The following RTTN variants were observed in gnomAD, a reference collection of about 807,000 sequenced individuals.
The protein encoded by RTTN is rotatin.
A neutral mutation model predicts 269.2 loss-of-function variants in RTTN; 182 were observed. That is an observed-to-expected ratio of 0.68 (90% CI 0.60 to 0.76). The LOEUF is 0.76. RTTN is among the 30% of genes least tolerant of loss of function. The pLI is 0.00. For missense variants in RTTN, 2,545 were observed against 2,608.6 expected (o/e 0.98, Z 0.53); for synonymous variants, 1,006 against 963.5 (o/e 1.04, Z -0.82).
intron 18 of RTTN, among the ~76,000 whole-genome samples, chr18:70,143,227 C>A (rs571710193): frequency 1.3e-5 from 2 of 151,728 alleles, no homozygotes; most frequent in Admixed American, 1.3e-4. Context: ...TTTTGTAAAT[C>A]TGTTTAAGTT....
chr18:70,160,355 C>G (rs1254199925), intron 14 of RTTN, among the ~76,000 whole-genome samples: 1 of 60,208 alleles, frequency 1.7e-5, no homozygotes, highest in Non-Finnish European at 8.0e-5. Context: ...TCAACAGACA[C>G]AGAAAAGGCT....
chr18:70,194,738 T>G (rs940129303), intron 7 of RTTN: 2 of 152,194 alleles, frequency 1.3e-5, no homozygotes, highest in Non-Finnish European at 2.9e-5. Flanking sequence ...ATGAGGTACC[T>G]AGAATAGACA....
intron 19 of RTTN, among the ~76,000 whole-genome samples, chr18:70,141,991 T>C (rs2041035390): frequency 2.0e-5 from 3 of 152,200 alleles, no homozygotes; most frequent in East Asian, 3.8e-4. Context: ...AATGGCATTT[T>C]ACAGGTCAAA....
rs191450237 is a variant in RTTN, at chr18:70,173,507, A to G, written c.1476+3168T>C. ...ACTCCAACTCAAAAAAAAAAAAAAA[A>G]AAAAGAAAATAGAGTTTGGACTATA... On this transcript the variant is annotated intron_variant, in intron 11 of 48. Coordinates refer to ENST00000640769, the MANE Select transcript of RTTN (RefSeq NM_173630.4). Among the ~76,000 whole-genome samples, 482 of 151,928 alleles carry G rather than the reference A, an allele frequency of 3.2e-3. 3 individuals are homozygous for G. The highest frequency in any genetic ancestry group is 0.01 in the Middle Eastern group (3 of 294).
intron 46 of RTTN, among the ~76,000 whole-genome samples, chr18:70,013,877 C>T (rs567066873): frequency 6.6e-6 from 1 of 152,274 alleles, no homozygotes; most frequent in African/African-American, 2.4e-5. Flanking sequence ...AACACAAAGA[C>T]TGTCTTGATA....
chr18:70,063,964 G>A (rs1292015562), intron 35 of RTTN, among the ~76,000 whole-genome samples: 2 of 76,378 alleles, frequency 2.6e-5, no homozygotes, highest in African/African-American at 9.2e-5. Flanking sequence ...TCTTTTATAT[G>A]CTTTTTTTTT....
At position 70,181,841 on chromosome 18, in the gene RTTN, G is replaced by A. The variant is rs187629044; in HGVS notation, c.1306-4996C>T. On this transcript the variant is annotated intron_variant, in intron 10 of 48. Transcript: ENST00000640769. ...AGTAAAAGTAAATCAAATATAATTT[G>A]AAGTACTTCTGTTTTATTTAGCATT... Among the ~76,000 whole-genome samples, 311 of 152,204 alleles carry A rather than the reference G, an allele frequency of 2.0e-3. 1 individual carries two copies. Among genetic ancestry groups the A allele is most frequent in the Non-Finnish European group, 3.3e-3 (226 of 67,956 alleles).
At chr18:70,069,366 A>T (rs1048570434) in intron 34 of RTTN, among the ~76,000 whole-genome samples, 1 of 152,240 alleles carries the variant, frequency 6.6e-6, no homozygotes, top group Non-Finnish European at 1.5e-5. Flanking sequence ...GAAAATAAAA[A>T]AATAAAATGG....
At chr18:70,204,957 T>C (rs973087784) in intron 2 of RTTN, among the ~76,000 whole-genome samples, 171 bp downstream of exon 2, 1 of 152,192 alleles carries the variant, frequency 6.6e-6, no homozygotes, top group Admixed American at 6.5e-5. Flanking sequence ...TGGGATTCAG[T>C]ATCACAAATA....
Position 70,024,763 on chromosome 18 carries a change from G to T in RTTN, c.5909C>A (p.Ser1970Tyr), listed in dbSNP as rs267605251. 4 of 1,613,934 alleles carry T rather than the reference G, an allele frequency of 2.5e-6. No homozygotes were observed. The East Asian group carries it at 8.9e-5, about 36-fold the overall frequency. Reference protein sequence around the residue: ...ILMDDSLMQISLQLLCVYTAN... With the variant: ...ILMDDSLMQIYLQLLCVYTAN... ...AGTATAGACACAAAGGAGCTGCAGAGAAATTTGCATCAATGAATCATCCAT... is the reference window on the plus strand; with the variant it reads ...AGTATAGACACAAAGGAGCTGCAGATAAATTTGCATCAATGAATCATCCAT... The change falls in exon 44 of 49, where the codon TCT (serine) becomes TAT (tyrosine). Residue 1970 changes from serine to tyrosine, a missense_variant. Ser to Tyr is a moderately radical substitution (Grantham distance 144, BLOSUM62 -2). Transcript: ENST00000640769.
chr18:70,121,698 A>C lies in RTTN; in HGVS notation c.3386T>G (p.Phe1129Cys). 6.5e-7 allele frequency: 1 copy of C among 1,542,698 alleles called. No individual in the cohort carries two copies. The highest frequency in any genetic ancestry group is 2.5e-5 in the East Asian group (1 of 40,776). ...SLAWHTALNRFLQVLPACTED... is the reference protein window; with the variant it reads ...SLAWHTALNRCLQVLPACTED... ...AGTGCAAGCAGGAAGCACCTGTAAAAACCTATAATGAAAAGACAATAATCA... is the reference window on the plus strand; with the variant it reads ...AGTGCAAGCAGGAAGCACCTGTAAACACCTATAATGAAAAGACAATAATCA... The change falls in exon 26 of 49, where the codon TTT becomes TGT. Residue 1129 changes from phenylalanine (F) to cysteine (C), a missense_variant and splice_region_variant. Transcript: ENST00000640769.
chr18:70,184,541 G>A (rs1377729430), intron 10 of RTTN, among the ~76,000 whole-genome samples: 3 of 151,916 alleles, frequency 2.0e-5, no homozygotes, highest in Admixed American at 6.6e-5. Flanking sequence ...GACAGAATGA[G>A]ATTCCATGTT....
intron 6 of RTTN, 126 bp from the exon 7 acceptor site, chr18:70,196,774 T>C: frequency 1.1e-6 from 1 of 883,862 alleles, no homozygotes; most frequent in South Asian, 1.7e-5. Flanking sequence ...CAAATATTTG[T>C]AAGACATAAG....
chr18:70,075,913 A>G (rs1416204054), intron 32 of RTTN, among the ~76,000 whole-genome samples: 3 of 152,116 alleles, frequency 2.0e-5, no homozygotes, highest in Non-Finnish European at 4.4e-5. Context: ...GTTAAAATAT[A>G]TGAAATAAGG....
chr18:70,105,967 T>C (rs536139198), intron 28 of RTTN, among the ~76,000 whole-genome samples: 34 of 152,316 alleles, frequency 2.2e-4, no homozygotes, highest in African/African-American at 7.9e-4. Flanking sequence ...AAAACCATGG[T>C]GCTAGGTCAA....
At chr18:70,170,974 G>A (rs1049788899) in intron 11 of RTTN, among the ~76,000 whole-genome samples, 16 of 152,088 alleles carry the variant, frequency 1.1e-4, no homozygotes, top group South Asian at 2.1e-4. Context: ...GACATTTACC[G>A]AGACAGGCAA....
intron 10 of RTTN, among the ~76,000 whole-genome samples, chr18:70,186,149 G>A (rs1016301207): frequency 2.0e-5 from 3 of 150,842 alleles, no homozygotes; most frequent in African/African-American, 7.3e-5. Context: ...CCATAGGAAT[G>A]TTATTTGTAA....
chr18:70,155,695 T>C (rs931214595), intron 14 of RTTN, among the ~76,000 whole-genome samples: 3 of 152,208 alleles, frequency 2.0e-5, no homozygotes, highest in Non-Finnish European at 2.9e-5. Context: ...ATGGCTGCAA[T>C]GGGGCATGGC....
chr18:70,125,780 A>G (rs983822158), intron 25 of RTTN, among the ~76,000 whole-genome samples: 1 of 152,030 alleles, frequency 6.6e-6, no homozygotes, highest in Non-Finnish European at 1.5e-5. Context: ...TCAAAAAGAT[A>G]ATGTTCCTTT....
Sources: allele counts gnomAD v4.1 joint callset (sites outside exome capture counted in the v4.1 genomes callset), GRCh38; gene constraint gnomAD v4.1.1; transcripts MANE v1.5; gene names NCBI Gene and HGNC (gene_info 2026-07-23, HGNC 2026-07-21).